CNTNAP5: variants seen among roughly 807,000 people sequenced by gnomAD.
CNTNAP5 encodes the protein contactin-associated protein-like 5.
CNTNAP5 carries 72 observed loss-of-function variants against 150.2 expected under a neutral mutation model. The observed-to-expected ratio is 0.48, with a 90% CI of 0.40 to 0.58. The LOEUF is 0.58. Ranked by LOEUF, CNTNAP5 falls within the 20% of genes least tolerant of loss-of-function variation. The pLI is 0.00. For missense variants in CNTNAP5, 1,636 were observed against 1,626.2 expected (o/e 1.01, Z -0.10); for synonymous variants, 672 against 619.8 (o/e 1.08, Z -1.25).
intron 6 of CNTNAP5, among the ~76,000 whole-genome samples, chr2:124,449,973 A>C (rs1692924990): frequency 6.6e-6 from 1 of 152,148 alleles, no homozygotes; most frequent in Non-Finnish European, 1.5e-5. Flanking sequence ...GGAAATAAAA[A>C]GTTCTAACTT....
chr2:124,258,366 G>C (rs1230361513), intron 3 of CNTNAP5, among the ~76,000 whole-genome samples: 4 of 152,156 alleles, frequency 2.6e-5, no homozygotes, highest in Admixed American at 1.3e-4. Context: ...TTGTTGGATT[G>C]ATGACGCTGC....
At chr2:124,168,511 G>A (rs1684858006) in intron 1 of CNTNAP5, among the ~76,000 whole-genome samples, 1 of 152,188 alleles carries the variant, frequency 6.6e-6, no homozygotes, top group Non-Finnish European at 1.5e-5. Context: ...TGTTAAGAAA[G>A]AGTTGGAGCA....
At chr2:124,654,193 G>A (rs1678391883) in intron 13 of CNTNAP5, among the ~76,000 whole-genome samples, 1 of 152,104 alleles carries the variant, frequency 6.6e-6, no homozygotes, top group Non-Finnish European at 1.5e-5. Flanking sequence ...ATGATGGAAA[G>A]TGGTATCCAG....
chr2:124,102,085 C>A (rs962878862), intron 1 of CNTNAP5, among the ~76,000 whole-genome samples: 1 of 152,098 alleles, frequency 6.6e-6, no homozygotes, highest in Non-Finnish European at 1.5e-5. Context: ...ATAAACTGAA[C>A]TCCTAAATGC....
At chr2:124,419,476 C>G (rs545713207) in intron 4 of CNTNAP5, among the ~76,000 whole-genome samples, 1 of 152,120 alleles carries the variant, frequency 6.6e-6, no homozygotes, top group Non-Finnish European at 1.5e-5. Flanking sequence ...AAAATAATAA[C>G]GATAACATGT....
At chr2:124,213,305 A>G (rs1686067716) in intron 1 of CNTNAP5, among the ~76,000 whole-genome samples, 1 of 152,194 alleles carries the variant, frequency 6.6e-6, no homozygotes, top group African/African-American at 2.4e-5. Flanking sequence ...TCTCTCAGTG[A>G]GAAAACTAAT....
chr2:124,113,604 T>C (rs751845231), intron 1 of CNTNAP5, among the ~76,000 whole-genome samples: 2 of 151,792 alleles, frequency 1.3e-5, no homozygotes, highest in Non-Finnish European at 2.9e-5. Flanking sequence ...GTTATAAATA[T>C]GTCATCTCAT....
chr2:124,786,460 AAAGAAAGG>A lies in CNTNAP5; in HGVS notation c.2753-3438_2753-3431del, dbSNP rs1315449087. ...GAAGGAAGGAAGGAAAGAAAGAAAGAAAGAAAGGAAGGAAGGAAGGAAGGAGGGAAGGA... is the reference window on the plus strand; with the variant it reads ...GAAGGAAGGAAGGAAAGAAAGAAAGAAAGGAAGGAAGGAAGGAGGGAAGGA... On this transcript the variant is annotated intron_variant, in intron 17 of 23. Coordinates refer to ENST00000682447, the MANE Select transcript of CNTNAP5 (RefSeq NM_001367498.1). Among the ~76,000 whole-genome samples the A allele has an allele frequency of 7.6e-4, 82 of 108,606 alleles. 2 individuals are homozygous for A. The highest frequency in any genetic ancestry group is 3.4e-3 in the African/African-American group (71 of 20,636). 71.2% of individuals were successfully genotyped at this position (108,606 alleles called of 152,430 possible). A position where few individuals can be genotyped will look rare whatever the true frequency, so the allele number is the denominator to read the frequency against.
At chr2:124,655,771 C>A (rs1403786821) in intron 13 of CNTNAP5, among the ~76,000 whole-genome samples, 1 of 151,498 alleles carries the variant, frequency 6.6e-6, no homozygotes. Flanking sequence ...TGTGGTGGGG[C>A]ACACTTGTAG....
In CNTNAP5 at chr2:124,221,151, C is replaced by A. The variant is rs114886234; in HGVS notation, c.83-554C>A. Among the ~76,000 whole-genome samples, 11 of 152,150 alleles carry A rather than the reference C, an allele frequency of 7.2e-5. No individual in the cohort carries two copies. The East Asian group carries it at 2.1e-3, about 29-fold the overall frequency. On this transcript the variant is annotated intron_variant, in intron 1 of 23. Transcript: ENST00000682447. Reference sequence around the variant, plus strand: ...TCTAGGACTATTCACTACTGCTTCACGGAATAGAAATAAGTTCTCAGAATA... The same window carrying A: ...TCTAGGACTATTCACTACTGCTTCAAGGAATAGAAATAAGTTCTCAGAATA...
At chr2:124,712,404 A>G (rs1020584506) in intron 13 of CNTNAP5, among the ~76,000 whole-genome samples, 29 of 152,326 alleles carry the variant, frequency 1.9e-4, no homozygotes, top group African/African-American at 6.7e-4. Flanking sequence ...ATTTTGACAA[A>G]GGTAACACAG....
At chr2:124,216,526 C>T (rs1686160499) in intron 1 of CNTNAP5, among the ~76,000 whole-genome samples, 1 of 152,076 alleles carries the variant, frequency 6.6e-6, no homozygotes, top group Non-Finnish European at 1.5e-5. Context: ...TCTCCTAATG[C>T]TATTCCTCCC....
intron 13 of CNTNAP5, among the ~76,000 whole-genome samples, chr2:124,674,660 C>T (rs767797507): frequency 4.6e-5 from 7 of 151,024 alleles, no homozygotes; most frequent in African/African-American, 7.3e-5. Flanking sequence ...TTCTTGCATC[C>T]CAAAAAGTTT....
chr2:124,485,631 A>AAAAAAAAAAAAAAGAAGAAG (rs1457112306), intron 7 of CNTNAP5, among the ~76,000 whole-genome samples: 7 of 134,250 alleles, frequency 5.2e-5, no homozygotes, highest in African/African-American at 1.9e-4. Flanking sequence ...AAAAAAAAAA[A>AAAAAAAAAAAAAAGAAGAAG]AAAGAAGAAG....
At chr2:124,166,232 G>A (rs2104656434) in intron 1 of CNTNAP5, among the ~76,000 whole-genome samples, 1 of 152,264 alleles carries the variant, frequency 6.6e-6, no homozygotes, top group African/African-American at 2.4e-5. Flanking sequence ...AACAGGCCAT[G>A]GGCTGAATGA....
rs553333483 is a variant in CNTNAP5, at chr2:124,318,140, C to A, written c.381+75747C>A. On this transcript the variant is annotated intron_variant, in intron 3 of 23. Transcript: ENST00000682447. ...TGCAGTCAGCGGCCACAGCACACAC[C>A]AGTGGGTCCTGGTTCAGTATTGCTT... 3.3e-5 allele frequency among the ~76,000 whole-genome samples: 5 copies of A among 152,266 alleles called. No individual in the cohort carries two copies. The East Asian group carries it at 9.7e-4, about 29-fold the overall frequency.
At position 124,242,368 on chromosome 2, in the gene CNTNAP5, A is replaced by G. The variant is rs1446041796; in HGVS notation, c.356A>G (p.Gln119Arg). ...AGTGACACAGGACGCAACTGGAAACAGTACAAACAAGAAGACAGCATCTGG... is the reference window on the plus strand; with the variant it reads ...AGTGACACAGGACGCAACTGGAAACGGTACAAACAAGAAGACAGCATCTGG... ...MFSDTGRNWK[Q>R]YKQEDSIWTF... Residue 119 changes from glutamine to arginine, a missense_variant, in exon 3 of 24, where the codon CAG becomes CGG. By Grantham distance (43) the Gln-to-Arg change is conservative. Coordinates refer to ENST00000682447, the MANE Select transcript of CNTNAP5 (RefSeq NM_001367498.1). 2.5e-6 allele frequency: 4 copies of G among 1,613,164 alleles called. No homozygotes were observed. The highest frequency in any genetic ancestry group is 2.5e-6 in the Non-Finnish European group (3 of 1,179,568).
intron 1 of CNTNAP5, among the ~76,000 whole-genome samples, chr2:124,081,371 A>T (rs550640919): frequency 6.6e-6 from 1 of 152,280 alleles, no homozygotes; most frequent in African/African-American, 2.4e-5. Flanking sequence ...CTCAGGGGAA[A>T]TATCTATAAC....
intron 1 of CNTNAP5, among the ~76,000 whole-genome samples, chr2:124,211,526 A>T (rs575468899): frequency 6.6e-6 from 1 of 150,718 alleles, no homozygotes; most frequent in South Asian, 2.1e-4. Flanking sequence ...ACACACAAAC[A>T]CACACACACA....
Sources: gnomAD v4.1 joint callset for allele counts (sites outside exome capture counted in the v4.1 genomes callset) on GRCh38, gnomAD v4.1.1 for gene constraint, MANE v1.5 for transcripts, NCBI Gene and HGNC (gene_info 2026-07-23, HGNC 2026-07-21) for gene names.